Variants in MED13 observed in about 807,000 individuals in gnomAD.
MED13 encodes the protein mediator of RNA polymerase II transcription subunit 13.
MED13 carries 23 observed loss-of-function variants against 225.2 expected under a neutral mutation model. The observed-to-expected ratio is 0.10, with a 90% CI of 0.07 to 0.14. The LOEUF is 0.14. Among genes scored for constraint, MED13 ranks in the 10% least tolerant of loss-of-function variants. The pLI is 1.00. For synonymous variants in MED13, 942 were observed against 889.2 expected (o/e 1.06, Z -1.06); for missense variants, 2,197 against 2,594.5 (o/e 0.85, Z 3.33).
chr17:62,049,485 T>C (rs962919505), intron 3 of MED13, among the ~76,000 whole-genome samples: 2 of 152,054 alleles, frequency 1.3e-5, no homozygotes, highest in South Asian at 2.1e-4. Flanking sequence ...AAACAATCTA[T>C]CAATGAATGA....
chr17:62,011,206 A>G lies in MED13; in HGVS notation c.1311T>C (p.Ala437=). Residue 437 remains alanine (A), a synonymous_variant, in exon 9 of 30, where the codon GCT becomes GCC. Coordinates refer to ENST00000397786, the MANE Select transcript of MED13 (RefSeq NM_005121.3). ...AAGATGGTGCCTGTCCTTGTTGTCCAGCATTTCTTGACTTGAGATTTTTGT... is the reference window on the plus strand; with the variant it reads ...AAGATGGTGCCTGTCCTTGTTGTCCGGCATTTCTTGACTTGAGATTTTTGT... ...LRHKNLKSRN[A]GQQGQAPSLG... The G allele has an allele frequency of 6.2e-7, 1 of 1,609,370 alleles. No homozygotes were observed. The highest frequency in any genetic ancestry group is 1.1e-5 in the South Asian group (1 of 90,074).
At position 61,943,142 on chromosome 17, in the gene MED13, G is replaced by T. The variant is rs1045657850; in HGVS notation, c.*3326C>A. The T allele has an allele frequency of 5.2e-4, 80 of 152,566 alleles. No homozygotes were observed. Among genetic ancestry groups the T allele is most frequent in the African/African-American group, 1.8e-3 (73 of 41,550 alleles). The allele number at this position is 152,566 out of a possible 1,614,324, so 9.5% of individuals were successfully genotyped here. A position where few individuals can be genotyped will look rare whatever the true frequency, so the allele number is the denominator to read the frequency against. On this transcript the variant is annotated 3_prime_UTR_variant, in exon 30 of 30. Transcript: ENST00000397786. ...TTAAGATTTCCAGCTTATTTCTGGA[G>T]GGGTGGGACAAAATAAGAATGTATA...
chr17:61,976,913 CAG>C (rs1409742200), intron 16 of MED13, among the ~76,000 whole-genome samples: 1 of 152,124 alleles, frequency 6.6e-6, no homozygotes, highest in Non-Finnish European at 1.5e-5. Flanking sequence ...GCCTGGGCAA[CAG>C]AGTGAGACTC....
chr17:62,015,490 G>A (rs2080554422), intron 8 of MED13, among the ~76,000 whole-genome samples: 1 of 152,110 alleles, frequency 6.6e-6, no homozygotes, highest in African/African-American at 2.4e-5. Context: ...TTGTGTGAAA[G>A]AAAGCAACAG....
At position 61,995,134 on chromosome 17, in the gene MED13, T is replaced by C; in HGVS notation, c.2181+18A>G. The C allele has an allele frequency of 6.5e-7, 1 of 1,543,170 alleles. No individual in the cohort carries two copies. Among genetic ancestry groups the C allele is most frequent in the Non-Finnish European group, 9.0e-7 (1 of 1,116,232 alleles). ...CAAAATCAACAGTGACCCTTTGGTG[T>C]ACTGTGATTTCTCTTACCTTGTGTT... On this transcript the variant is annotated intron_variant, in intron 10 of 29. Coordinates refer to ENST00000397786, the MANE Select transcript of MED13 (RefSeq NM_005121.3).
At chr17:61,995,015 A>G in intron 10 of MED13, 137 bp downstream of exon 10, 2 of 716,072 alleles carry the variant, frequency 2.8e-6, no homozygotes, top group Non-Finnish European at 4.5e-6. Context: ...CCGGGCAAAA[A>G]TAAGTTTTTC....
In MED13 at chr17:62,003,362, T is replaced by C. The variant is rs191580006; in HGVS notation, c.1967+7188A>G. 6.0e-3 allele frequency among the ~76,000 whole-genome samples: 915 copies of C among 152,176 alleles called. 9 individuals carry two copies. Among genetic ancestry groups the C allele is most frequent in the African/African-American group, 0.022 (897 of 41,522 alleles). On this transcript the variant is annotated intron_variant, in intron 9 of 29. Transcript: ENST00000397786. ...GCCTCACACCTGTAATCCCAGCACT[T>C]TGTGAGGCTGAGGCAGGTGGATCAC...
At position 61,956,115 on chromosome 17, in the gene MED13, C is replaced by T. The variant is rs866161702; in HGVS notation, c.5623+224G>A. On this transcript the variant is annotated intron_variant, in intron 24 of 29. Transcript: ENST00000397786. ...AATAACAATCAGAAAGTGGAAAAAA[C>T]AGAAAACAATTAAGAACAGCAGTAA... Among the ~76,000 whole-genome samples the T allele has an allele frequency of 1.4e-4, 21 of 152,052 alleles. No homozygotes were observed. In the Middle Eastern group the frequency reaches 0.02, roughly 148 times the overall value.
rs2080185978 is a variant in MED13 at position 61,979,594 on chromosome 17, C to T, written c.3805+2604G>A. Among the ~76,000 whole-genome samples the T allele has an allele frequency of 2.0e-5, 3 of 152,202 alleles. No individual in the cohort carries two copies. In the South Asian group the frequency reaches 6.2e-4, roughly 32 times the overall value. On this transcript the variant is annotated intron_variant, in intron 16 of 29. Coordinates refer to ENST00000397786, the MANE Select transcript of MED13 (RefSeq NM_005121.3). ...AAATGCTGGGATTACAGCCATAAGCCATATCTGTCAATTAAAAAAAATTCC... is the reference window on the plus strand; with the variant it reads ...AAATGCTGGGATTACAGCCATAAGCTATATCTGTCAATTAAAAAAAATTCC...
At chr17:61,972,575 T>C (rs898963544) in intron 17 of MED13, 152 bp downstream of exon 17, 18 of 674,352 alleles carry the variant, frequency 2.7e-5, no homozygotes, top group African/African-American at 1.1e-4. Flanking sequence ...ATGTTGGAAA[T>C]GGTGGGAAAA....
chr17:62,061,341 A>G (rs991995219), intron 2 of MED13, among the ~76,000 whole-genome samples: 3 of 151,846 alleles, frequency 2.0e-5, no homozygotes, highest in African/African-American at 7.3e-5. Flanking sequence ...CAACACAGCA[A>G]GACCCCATCT....
chr17:61,989,363 T>C (rs1042027263), intron 11 of MED13, among the ~76,000 whole-genome samples: 1 of 150,998 alleles, frequency 6.6e-6, no homozygotes, highest in Non-Finnish European at 1.5e-5. Flanking sequence ...TGATTGGAGA[T>C]GGAGTTTCAC....
chr17:62,029,636 A>G lies in MED13; in HGVS notation c.1188T>C (p.Ala396=), dbSNP rs1406018626. ...CTTCTTCGCATAGACCACCTGATGAAGCAGAATACTTCCTCCTAAGATTTA... is the reference window on the plus strand; with the variant it reads ...CTTCTTCGCATAGACCACCTGATGAGGCAGAATACTTCCTCCTAAGATTTA... The part of the protein sequence containing the change: ...NRAQNKRKYS[A]SSGGLCEEAT... Residue 396 remains alanine, a synonymous_variant, in exon 8 of 30, where the codon GCT becomes GCC. Coordinates refer to ENST00000397786, the MANE Select transcript of MED13 (RefSeq NM_005121.3). 6.2e-7 allele frequency: 1 copy of G among 1,612,666 alleles called. No individual in the cohort carries two copies. The highest frequency in any genetic ancestry group is 1.3e-5 in the African/African-American group (1 of 74,888).
At chr17:62,049,669 C>A (rs150084093) in intron 3 of MED13, among the ~76,000 whole-genome samples, 2 of 152,084 alleles carry the variant, frequency 1.3e-5, no homozygotes, top group African/African-American at 4.8e-5. Flanking sequence ...CCGTGGCTCA[C>A]GCCTGTAATC....
chr17:62,033,803 T>G lies in MED13; in HGVS notation c.798A>C (p.Ala266=). The change falls in exon 5 of 30, where the codon GCA becomes GCC. Residue 266 remains alanine, a synonymous_variant. Transcript: ENST00000397786. ...DMDWEDDSLA[A]VEVLVAGVRM... ...GATCCATACCAACAAGAACTTCTAC[T>G]GCAGCTAAAGAATCATCTTCCCAAT... 1 of 1,614,120 alleles carries G rather than the reference T, an allele frequency of 6.2e-7. No homozygotes were observed. The highest frequency in any genetic ancestry group is 1.7e-4 in the Middle Eastern group (1 of 6,060).
At chr17:62,048,101 T>C (rs574831074) in intron 3 of MED13, among the ~76,000 whole-genome samples, 1 of 147,512 alleles carries the variant, frequency 6.8e-6, no homozygotes, top group Admixed American at 6.8e-5. Flanking sequence ...GGTGGATATA[T>C]AGGTGTAACT....
intron 17 of MED13, among the ~76,000 whole-genome samples, chr17:61,968,638 A>C (rs928576258): frequency 2.0e-5 from 3 of 151,482 alleles, no homozygotes; most frequent in Non-Finnish European, 4.4e-5. Context: ...TTTTTATTTA[A>C]ATGTCAAAAG....
intron 3 of MED13, among the ~76,000 whole-genome samples, chr17:62,041,466 T>C (rs976478424): frequency 6.6e-6 from 1 of 152,242 alleles, no homozygotes; most frequent in Non-Finnish European, 1.5e-5. Context: ...TGCAGATAGA[T>C]AGTGGTGATG....
chr17:62,009,059 CAAT>C (rs2080481828), intron 9 of MED13, among the ~76,000 whole-genome samples: 1 of 152,134 alleles, frequency 6.6e-6, no homozygotes, highest in African/African-American at 2.4e-5. Flanking sequence ...AATTCACTGA[CAAT>C]GATCTGATAA....
Sources: allele counts gnomAD v4.1 joint callset (sites outside exome capture counted in the v4.1 genomes callset), GRCh38; gene constraint gnomAD v4.1.1; transcripts MANE v1.5; gene names NCBI Gene and HGNC (gene_info 2026-07-23, HGNC 2026-07-21).